Variants in CAMK2A observed in about 807,000 individuals in gnomAD.
CAMK2A encodes calcium/calmodulin-dependent protein kinase type II subunit alpha.
In CAMK2A, 7 loss-of-function variants were observed where a neutral mutation model predicts 79.2. The observed-to-expected ratio is 0.09, with a 90% CI of 0.05 to 0.17. The LOEUF is 0.17. Ranked by LOEUF, CAMK2A falls within the 10% of genes least tolerant of loss-of-function variation. CAMK2A has a pLI of 1.00. For synonymous variants in CAMK2A, 242 were observed against 251.7 expected, an observed-to-expected ratio of 0.96 and a Z score of 0.36; for missense variants, 214 against 646.4, an observed-to-expected ratio of 0.33 and a Z score of 7.25.
chr5:150,245,289 C>G lies in CAMK2A; in HGVS notation c.944-88G>C, dbSNP rs560536722. On this transcript the variant is annotated intron_variant, in intron 12 of 18. Coordinates refer to ENST00000671881, the MANE Select transcript of CAMK2A (RefSeq NM_015981.4). ...AGGACGAGCAGCATCCACACGCAGC[C>G]GGAGGGCAGACTGCAGGGAGCAGAG... 3 of 1,301,690 alleles carry G rather than the reference C, an allele frequency of 2.3e-6. No individual in the cohort carries two copies. In the African/African-American group the frequency reaches 4.4e-5, roughly 19 times the overall value. The allele number at this position is 1,301,690 out of a possible 1,614,324, so 80.6% of individuals were successfully genotyped here. A position where few individuals can be genotyped will look rare whatever the true frequency, so the allele number is the denominator to read the frequency against.
At chr5:150,289,348 C>T (rs116706306) in intron 1 of CAMK2A, among the ~76,000 whole-genome samples, 1,747 of 152,340 alleles carry the variant, frequency 0.011, 35 homozygotes, top group African/African-American at 0.04. Flanking sequence ...TACATACACA[C>T]TGGCCTGGCT....
chr5:150,271,212 C>T (rs540167294), intron 2 of CAMK2A, among the ~76,000 whole-genome samples: 1 of 152,342 alleles, frequency 6.6e-6, no homozygotes, highest in African/African-American at 2.4e-5. Context: ...TCCTGCCCAC[C>T]CTGTCTCTAG....
chr5:150,260,227 C>T (rs1756244016), intron 3 of CAMK2A, among the ~76,000 whole-genome samples: 2 of 152,000 alleles, frequency 1.3e-5, no homozygotes, highest in South Asian at 2.1e-4. Context: ...GAGGCTGAGG[C>T]GGGTGGAACA....
chr5:150,282,423 G>A (rs1757253737), intron 1 of CAMK2A, among the ~76,000 whole-genome samples: 2 of 152,230 alleles, frequency 1.3e-5, no homozygotes, highest in Admixed American at 1.3e-4. Flanking sequence ...TAAAGGAAGG[G>A]CCAGAGCCCA....
chr5:150,248,862 T>C (rs779076869), intron 11 of CAMK2A, among the ~76,000 whole-genome samples: 6 of 152,220 alleles, frequency 3.9e-5, no homozygotes, highest in Non-Finnish European at 7.3e-5. Flanking sequence ...ATTCTCAATG[T>C]AGAGAAAGCC....
At chr5:150,231,176 T>C in intron 16 of CAMK2A, 129 bp downstream of exon 16, 1 of 489,812 alleles carries the variant, frequency 2.0e-6, no homozygotes, top group Middle Eastern at 3.0e-4. Context: ...AAATATGAGT[T>C]CAGCCCGATT....
At chr5:150,241,973 G>A (rs1013257211) in intron 13 of CAMK2A, among the ~76,000 whole-genome samples, 6 of 152,294 alleles carry the variant, frequency 3.9e-5, no homozygotes, top group South Asian at 4.1e-4. Context: ...GGTTCCAGGC[G>A]GGACACGAGG....
chr5:150,247,875 A>C, intron 11 of CAMK2A, 61 bp from the exon 12 acceptor site: 1 of 1,455,472 alleles, frequency 6.9e-7, no homozygotes, highest in East Asian at 2.3e-5. Flanking sequence ...CCCAGGAGGG[A>C]CAGAGAGACG....
intron 15 of CAMK2A, among the ~76,000 whole-genome samples, chr5:150,234,278 C>CTGAGG (rs1754972292): frequency 1.3e-5 from 2 of 152,160 alleles, no homozygotes; most frequent in African/African-American, 4.8e-5. Context: ...TGCCTGTTTC[C>CTGAGG]TGAGGTCTGC....
chr5:150,283,495 C>T (rs1209288341), intron 1 of CAMK2A, among the ~76,000 whole-genome samples: 1 of 152,188 alleles, frequency 6.6e-6, no homozygotes. Context: ...CCACCTCAGC[C>T]TCCCGAGTAG....
intron 3 of CAMK2A, 125 bp from the exon 4 acceptor site, chr5:150,257,742 G>A (rs1756121396): frequency 1.4e-6 from 1 of 726,558 alleles, no homozygotes; most frequent in Admixed American, 2.1e-5. Flanking sequence ...GTATACACCA[G>A]GTGCCAGGTG....
chr5:150,235,037 T>A (rs1198341999), intron 15 of CAMK2A, among the ~76,000 whole-genome samples: 1 of 152,200 alleles, frequency 6.6e-6, no homozygotes, highest in Non-Finnish European at 1.5e-5. Context: ...GCTGTCTAGA[T>A]ACCTCTCTGA....
chr5:150,254,617 A>T (rs1027412001), intron 6 of CAMK2A, among the ~76,000 whole-genome samples: 4 of 152,068 alleles, frequency 2.6e-5, no homozygotes, highest in African/African-American at 4.8e-5. Context: ...GAATTCCTCC[A>T]CTTCCTGCTG....
chr5:150,274,359 C>T (rs1756868964), intron 1 of CAMK2A, among the ~76,000 whole-genome samples: 1 of 152,202 alleles, frequency 6.6e-6, no homozygotes, highest in Non-Finnish European at 1.5e-5. Flanking sequence ...AGCTACAAGT[C>T]TGGATATTGA....
At chr5:150,251,921 G>T (rs890462502) in intron 8 of CAMK2A, 61 bp downstream of exon 8, 1 of 1,565,848 alleles carries the variant, frequency 6.4e-7, no homozygotes, top group Non-Finnish European at 8.8e-7. Context: ...GGAAAGGAGA[G>T]AGGGGGCCCC....
intron 2 of CAMK2A, among the ~76,000 whole-genome samples, chr5:150,269,985 C>T (rs577678126): frequency 2.0e-5 from 3 of 152,158 alleles, no homozygotes; most frequent in Non-Finnish European, 4.4e-5. Flanking sequence ...CCCTCATGCT[C>T]GAGCTGGAGA....
chr5:150,263,197 A>AG (rs1756365494), intron 3 of CAMK2A, among the ~76,000 whole-genome samples: 2 of 152,218 alleles, frequency 1.3e-5, no homozygotes, highest in African/African-American at 4.8e-5. Context: ...CAGCAAACTC[A>AG]GGATTTGAGC....
chr5:150,261,336 G>A (rs945309369), intron 3 of CAMK2A, among the ~76,000 whole-genome samples: 5 of 152,212 alleles, frequency 3.3e-5, no homozygotes, highest in South Asian at 4.2e-4. Flanking sequence ...TTTCAGGGCC[G>A]TTTTCACACA....
chr5:150,235,151 A>T (rs1002198252), intron 15 of CAMK2A, among the ~76,000 whole-genome samples: 3 of 152,212 alleles, frequency 2.0e-5, no homozygotes, highest in African/African-American at 7.2e-5. Context: ...ACCTCTATTA[A>T]TGTAGCCTGA....
Sources: gnomAD v4.1 joint callset for allele counts (sites outside exome capture counted in the v4.1 genomes callset) on GRCh38, gnomAD v4.1.1 for gene constraint, MANE v1.5 for transcripts, NCBI Gene and HGNC (gene_info 2026-07-23, HGNC 2026-07-21) for gene names.